Variants in EYS observed in about 807,000 individuals in gnomAD.
The protein encoded by EYS is protein eyes shut homolog.
A neutral mutation model predicts 282.1 loss-of-function variants in EYS; 250 were observed. That is an observed-to-expected ratio of 0.89 (90% CI 0.80 to 0.98). EYS has a LOEUF of 0.98. Ranked by LOEUF, EYS falls within the 50% of genes least tolerant of loss-of-function variation. EYS has a pLI of 0.00. For missense variants in EYS, 4,016 were observed against 3,709.0 expected (o/e 1.08, Z -2.15); for synonymous variants, 1,355 against 1,282.9 (o/e 1.06, Z -1.20).
At chr6:64,802,591 A>C (rs2150009136) in intron 22 of EYS, among the ~76,000 whole-genome samples, 1 of 152,304 alleles carries the variant, frequency 6.6e-6, no homozygotes, top group Admixed American at 6.5e-5. Flanking sequence ...TTCTTCATTC[A>C]TACTTCATAT....
intron 19 of EYS, among the ~76,000 whole-genome samples, chr6:64,878,371 AAAG>A (rs1766816291): frequency 6.6e-6 from 1 of 152,198 alleles, no homozygotes; most frequent in African/African-American, 2.4e-5. Context: ...GTGCGAAGAT[AAAG>A]AAGCTTTCTT....
chr6:64,689,951 G>T (rs1170876332), intron 22 of EYS, among the ~76,000 whole-genome samples: 1 of 152,056 alleles, frequency 6.6e-6, no homozygotes, highest in African/African-American at 2.4e-5. Flanking sequence ...CAAAAGCAAT[G>T]GCAACAGAAG....
At chr6:65,556,665 T>G (rs1197345905) in intron 2 of EYS, among the ~76,000 whole-genome samples, 1 of 152,154 alleles carries the variant, frequency 6.6e-6, no homozygotes, top group African/African-American at 2.4e-5. Flanking sequence ...GAAAAAAATA[T>G]TAGCAATATT....
intron 7 of EYS, among the ~76,000 whole-genome samples, chr6:65,390,884 T>TA (rs1766003516): frequency 7.5e-6 from 1 of 133,200 alleles, no homozygotes; most frequent in African/African-American, 2.5e-5. Context: ...ACCCCGTCTC[T>TA]AAAAAATAAA....
At chr6:65,553,721 T>C (rs897901658) in intron 2 of EYS, among the ~76,000 whole-genome samples, 7 of 151,994 alleles carry the variant, frequency 4.6e-5, no homozygotes, top group African/African-American at 1.7e-4. Context: ...TGATGAGTTA[T>C]ATGTAGTTAA....
intron 1 of EYS, among the ~76,000 whole-genome samples, chr6:65,643,855 C>A (rs940997862): frequency 4.6e-5 from 7 of 151,998 alleles, no homozygotes; most frequent in Non-Finnish European, 1.0e-4. Context: ...AAGCCCTATC[C>A]CTAGGGGGAG....
At chr6:65,571,123 G>A (rs927944477) in intron 2 of EYS, among the ~76,000 whole-genome samples, 2 of 151,878 alleles carry the variant, frequency 1.3e-5, no homozygotes, top group African/African-American at 4.8e-5. Flanking sequence ...CTTTCAGCTG[G>A]GGCATTTGTA....
chr6:65,249,456 A>C (rs1309120135), intron 12 of EYS, among the ~76,000 whole-genome samples: 3 of 152,132 alleles, frequency 2.0e-5, no homozygotes, highest in Non-Finnish European at 4.4e-5. Context: ...ATGCAAGGTC[A>C]CCAAACAACC....
chr6:64,828,252 A>C (rs1765115732), intron 19 of EYS, among the ~76,000 whole-genome samples: 1 of 151,928 alleles, frequency 6.6e-6, no homozygotes, highest in Non-Finnish European at 1.5e-5. Flanking sequence ...AGAGCTTCTA[A>C]GACATATAGA....
At chr6:65,658,930 T>C (rs1405219434) in intron 1 of EYS, among the ~76,000 whole-genome samples, 1 of 151,648 alleles carries the variant, frequency 6.6e-6, no homozygotes, top group Non-Finnish European at 1.5e-5. Context: ...TTTCTTTTTT[T>C]TAATGAAAGG....
At chr6:65,405,436 G>T in intron 5 of EYS, 69 bp from the exon 6 acceptor site, 1 of 1,220,170 alleles carries the variant, frequency 8.2e-7, no homozygotes, top group Non-Finnish European at 1.2e-6. Context: ...GCATAGATAT[G>T]TAGCAAAACA....
chr6:65,554,956 C>T (rs1383864209), intron 2 of EYS, among the ~76,000 whole-genome samples: 1 of 151,684 alleles, frequency 6.6e-6, no homozygotes, highest in African/African-American at 2.4e-5. Context: ...ATGTTGTTTT[C>T]AATTTCTTCT....
chr6:64,703,342 G>T (rs1347627093), intron 22 of EYS, among the ~76,000 whole-genome samples: 1 of 139,374 alleles, frequency 7.2e-6, no homozygotes, highest in African/African-American at 2.6e-5. Flanking sequence ...TATACTGGAG[G>T]TTTCTTAAAT....
chr6:64,050,520 G>A (rs1018574229), intron 33 of EYS, among the ~76,000 whole-genome samples: 21 of 152,212 alleles, frequency 1.4e-4, no homozygotes, highest in African/African-American at 4.8e-4. Context: ...GAAAAAATTT[G>A]TTTCAGTGTT....
chr6:65,359,014 C>A (rs1369628495), intron 8 of EYS, among the ~76,000 whole-genome samples: 1 of 152,022 alleles, frequency 6.6e-6, no homozygotes, highest in Non-Finnish European at 1.5e-5. Context: ...AAGCAAACAT[C>A]TATCTTACTT....
intron 26 of EYS, among the ~76,000 whole-genome samples, chr6:64,497,775 T>C (rs1582822390): frequency 6.6e-6 from 1 of 152,162 alleles, no homozygotes; most frequent in East Asian, 1.9e-4. Flanking sequence ...AATGATGCTG[T>C]TTTGATTATT....
At chr6:64,306,726 G>C (rs1435522772) in intron 30 of EYS, among the ~76,000 whole-genome samples, 3 of 152,104 alleles carry the variant, frequency 2.0e-5, no homozygotes, top group African/African-American at 7.2e-5. Context: ...CTCATTATTT[G>C]TTGGATGGTA....
chr6:64,412,241 T>C (rs1284265052), intron 28 of EYS, among the ~76,000 whole-genome samples: 2 of 152,084 alleles, frequency 1.3e-5, no homozygotes, highest in Non-Finnish European at 2.9e-5. Context: ...TTGCAATCAA[T>C]AATATTTTGG....
intron 35 of EYS, among the ~76,000 whole-genome samples, chr6:63,887,994 T>TC (rs1773309623): frequency 6.6e-6 from 1 of 152,144 alleles, no homozygotes; most frequent in African/African-American, 2.4e-5. Context: ...GCTTGAGTTT[T>TC]CCCCTCACAG....
Sources: allele counts gnomAD v4.1 joint callset (sites outside exome capture counted in the v4.1 genomes callset), GRCh38; gene constraint gnomAD v4.1.1; transcripts MANE v1.5; gene names NCBI Gene and HGNC (gene_info 2026-07-23, HGNC 2026-07-21).